Variants in CCDC102B observed in about 807,000 individuals in gnomAD.
CCDC102B encodes the protein coiled-coil domain-containing protein 102B.
A neutral mutation model predicts 57.4 loss-of-function variants in CCDC102B; 75 were observed. That is an observed-to-expected ratio of 1.31 (90% CI 1.08 to 1.58). CCDC102B has a LOEUF of 1.58. Ranked by LOEUF, CCDC102B falls within the 40% of genes most tolerant of loss-of-function variation. The pLI is 0.00. For synonymous variants in CCDC102B, 206 were observed against 201.9 expected, an observed-to-expected ratio of 1.02 and a Z score of -0.17; for missense variants, 636 against 582.6, an observed-to-expected ratio of 1.09 and a Z score of -0.94.
At chr18:68,881,611 G>T (rs1302836384) in intron 5 of CCDC102B, among the ~76,000 whole-genome samples, 2 of 152,016 alleles carry the variant, frequency 1.3e-5, no homozygotes, top group African/African-American at 4.8e-5. Flanking sequence ...GAACAAAAAG[G>T]CTGAGAACGA....
intron 7 of CCDC102B, among the ~76,000 whole-genome samples, chr18:69,020,106 T>G (rs1260299696): frequency 6.6e-6 from 1 of 152,128 alleles, no homozygotes; most frequent in Non-Finnish European, 1.5e-5. Flanking sequence ...AAATATATGC[T>G]TCTATAAATA....
intron 5 of CCDC102B, among the ~76,000 whole-genome samples, chr18:68,895,364 A>G (rs920797040): frequency 2.6e-5 from 4 of 151,746 alleles, no homozygotes; most frequent in African/African-American, 9.7e-5. Flanking sequence ...ACAATTATAT[A>G]TATATGAAAA....
intron 6 of CCDC102B, among the ~76,000 whole-genome samples, chr18:68,937,170 T>A (rs1259020101): frequency 6.6e-6 from 1 of 152,018 alleles, no homozygotes; most frequent in African/African-American, 2.4e-5. Context: ...ACCTAACACA[T>A]GTGTTTTCTC....
In CCDC102B at chr18:68,968,283, G is replaced by T. The variant is rs192008900; in HGVS notation, c.1264-42651G>T. ...TTTATGGTCTGACCTTAAAGCACTG[G>T]TTTTTTCCATTCAGTTGTAGGCAAT... On this transcript the variant is annotated intron_variant, in intron 6 of 7. Transcript: ENST00000360242. 8.0e-4 allele frequency among the ~76,000 whole-genome samples: 121 copies of T among 152,174 alleles called. 1 individual carries two copies. Among genetic ancestry groups the T allele is most frequent in the Admixed American group, 3.9e-3 (60 of 15,282 alleles).
At chr18:68,816,459 C>CTTTTTTTTTTTTTTTTTTTTTTTTT (rs869077830) in intron 1 of CCDC102B, among the ~76,000 whole-genome samples, 1 of 100,588 alleles carries the variant, frequency 9.9e-6, no homozygotes, top group Non-Finnish European at 1.8e-5. Context: ...TATTTCCTTT[C>CTTTTTTTTTTTTTTTTTTTTTTTTT]TTTTTTTTTT....
At chr18:68,990,953 A>G (rs1599805854) in intron 6 of CCDC102B, among the ~76,000 whole-genome samples, 1 of 152,058 alleles carries the variant, frequency 6.6e-6, no homozygotes, top group Non-Finnish European at 1.5e-5. Flanking sequence ...TATTTTTATT[A>G]TATTTTCATT....
chr18:69,010,651 C>A (rs1407116874), intron 6 of CCDC102B, among the ~76,000 whole-genome samples: 2 of 151,958 alleles, frequency 1.3e-5, no homozygotes, highest in African/African-American at 2.4e-5. Flanking sequence ...ATGTGATTTC[C>A]TTTTGGGGGA....
intron 2 of CCDC102B, among the ~76,000 whole-genome samples, chr18:68,768,242 A>G (rs1242972854): frequency 6.6e-6 from 1 of 152,216 alleles, no homozygotes; most frequent in Non-Finnish European, 1.5e-5. Flanking sequence ...GAAGGCAGCA[A>G]AGACAGATGG....
At chr18:68,853,672 T>TAAAAAAAACA (rs2038241739) in intron 4 of CCDC102B, among the ~76,000 whole-genome samples, 1 of 94,680 alleles carries the variant, frequency 1.1e-5, no homozygotes, top group African/African-American at 4.7e-5. Context: ...CCCCAAATTG[T>TAAAAAAAACA]AAAAAAAAAA....
intron 6 of CCDC102B, among the ~76,000 whole-genome samples, chr18:68,931,847 G>A (rs924092357): frequency 2.6e-5 from 4 of 151,888 alleles, no homozygotes; most frequent in Non-Finnish European, 5.9e-5. Context: ...TTGTAAGGGA[G>A]GCTAAGAAAT....
At chr18:69,001,603 C>T (rs1484315198) in intron 6 of CCDC102B, among the ~76,000 whole-genome samples, 2 of 152,172 alleles carry the variant, frequency 1.3e-5, no homozygotes, top group Non-Finnish European at 2.9e-5. Context: ...GGGCCAGGTT[C>T]CTCCCCGATG....
chr18:68,976,164 T>C (rs2145275759), intron 6 of CCDC102B, among the ~76,000 whole-genome samples: 1 of 152,178 alleles, frequency 6.6e-6, no homozygotes, highest in Non-Finnish European at 1.5e-5. Flanking sequence ...GGTACATTTG[T>C]ATTTATGTAT....
intron 7 of CCDC102B, among the ~76,000 whole-genome samples, chr18:69,051,745 G>C (rs1268735019): frequency 6.6e-6 from 1 of 151,802 alleles, no homozygotes; most frequent in Non-Finnish European, 1.5e-5. Context: ...ACAGAATTTT[G>C]ACATATGACA....
At chr18:68,943,559 C>T (rs552269428) in intron 6 of CCDC102B, among the ~76,000 whole-genome samples, 5 of 152,078 alleles carry the variant, frequency 3.3e-5, no homozygotes, top group Non-Finnish European at 7.4e-5. Context: ...AAAATTTGAA[C>T]AAAATGGATA....
At chr18:68,742,069 G>A (rs919627272) in intron 2 of CCDC102B, among the ~76,000 whole-genome samples, 1 of 152,160 alleles carries the variant, frequency 6.6e-6, no homozygotes, top group Non-Finnish European at 1.5e-5. Context: ...ACAAACTGGT[G>A]GCTTAAAATG....
chr18:68,841,540 G>A (rs1283403157), intron 3 of CCDC102B, among the ~76,000 whole-genome samples: 1 of 152,086 alleles, frequency 6.6e-6, no homozygotes, highest in Non-Finnish European at 1.5e-5. Context: ...CTAAACATTT[G>A]GGAAGCTGAG....
At chr18:68,735,212 C>T (rs1304830264) in intron 2 of CCDC102B, among the ~76,000 whole-genome samples, 2 of 81,806 alleles carry the variant, frequency 2.4e-5, no homozygotes, top group Middle Eastern at 5.3e-3. Flanking sequence ...CCACCACACC[C>T]GGCTAATTTT....
chr18:69,005,501 C>T (rs1358794450), intron 6 of CCDC102B, among the ~76,000 whole-genome samples: 1 of 151,874 alleles, frequency 6.6e-6, no homozygotes, highest in African/African-American at 2.4e-5. Context: ...CTGTATGATG[C>T]TTCGTTTTTC....
chr18:68,788,627 T>C (rs1256186687), intron 2 of CCDC102B, among the ~76,000 whole-genome samples: 2 of 149,502 alleles, frequency 1.3e-5, no homozygotes, highest in African/African-American at 2.5e-5. Flanking sequence ...TTAAAGTCTG[T>C]TTTATCAGAG....
Sources: gnomAD v4.1 joint callset for allele counts (sites outside exome capture counted in the v4.1 genomes callset) on GRCh38, gnomAD v4.1.1 for gene constraint, MANE v1.5 for transcripts, NCBI Gene and HGNC (gene_info 2026-07-23, HGNC 2026-07-21) for gene names.